Variants in GSG1L observed in about 807,000 individuals in gnomAD.
GSG1L encodes the protein GSG1 like, also known as germ cell-specific gene 1-like protein.
A neutral mutation model predicts 42.1 loss-of-function variants in GSG1L; 24 were observed. The observed-to-expected ratio is 0.57, with a 90% CI of 0.41 to 0.80. The LOEUF is 0.80. Ranked by LOEUF, GSG1L falls within the 30% of genes least tolerant of loss-of-function variation. The probability of loss-of-function intolerance (pLI) is 0.00; values close to 1 mark genes in which losing one functional copy is unlikely to be tolerated. For synonymous variants in GSG1L, 215 were observed against 203.5 expected (o/e 1.06, Z -0.48); for missense variants, 445 against 472.2 (o/e 0.94, Z 0.53).
intron 3 of GSG1L, among the ~76,000 whole-genome samples, chr16:27,875,444 T>C (rs1446067824): frequency 4.6e-5 from 7 of 152,178 alleles, no homozygotes; most frequent in Admixed American, 4.6e-4. Flanking sequence ...AAGAAACTGC[T>C]TGCACCTGAA....
intron 4 of GSG1L, among the ~76,000 whole-genome samples, chr16:27,836,310 G>T: frequency 6.7e-6 from 1 of 148,868 alleles, no homozygotes; most frequent in African/African-American, 2.5e-5. Flanking sequence ...TTTTTTTCAA[G>T]TTTGACTGTG....
At chr16:27,944,660 C>A (rs969076184) in intron 2 of GSG1L, among the ~76,000 whole-genome samples, 9 of 151,650 alleles carry the variant, frequency 5.9e-5, no homozygotes, top group Admixed American at 5.9e-4. Flanking sequence ...TACTGACACC[C>A]ACCACATTAT....
At chr16:27,983,949 G>A (rs1485145757) in intron 1 of GSG1L, among the ~76,000 whole-genome samples, 1 of 152,104 alleles carries the variant, frequency 6.6e-6, no homozygotes, top group Non-Finnish European at 1.5e-5. Flanking sequence ...AACGACACCT[G>A]TGGCATAAAT....
chr16:27,829,498 T>C (rs555808583), intron 4 of GSG1L, among the ~76,000 whole-genome samples: 4 of 152,310 alleles, frequency 2.6e-5, no homozygotes, highest in East Asian at 3.9e-4. Context: ...GTTACCTTTG[T>C]TCATGTATGA....
intron 1 of GSG1L, among the ~76,000 whole-genome samples, chr16:27,973,445 A>C: frequency 6.8e-6 from 1 of 146,592 alleles, no homozygotes. Context: ...ATCACAAAAA[A>C]AAAAAAAAAA....
intron 2 of GSG1L, among the ~76,000 whole-genome samples, chr16:27,937,182 C>T (rs146724618): frequency 6.6e-6 from 1 of 152,224 alleles, no homozygotes; most frequent in East Asian, 1.9e-4. Flanking sequence ...TCAATGGGAA[C>T]CTTTGGGCAG....
chr16:27,893,730 C>T (rs1008575369), intron 2 of GSG1L, among the ~76,000 whole-genome samples: 1 of 152,024 alleles, frequency 6.6e-6, no homozygotes, highest in Non-Finnish European at 1.5e-5. Flanking sequence ...CAGACATGCA[C>T]CACCATGCCC....
At chr16:27,895,577 CAG>C (rs1458118380) in intron 2 of GSG1L, among the ~76,000 whole-genome samples, 9 of 152,288 alleles carry the variant, frequency 5.9e-5, no homozygotes, top group African/African-American at 2.2e-4. Context: ...ACTCAATTTT[CAG>C]AGTTAGAGGA....
intron 1 of GSG1L, among the ~76,000 whole-genome samples, chr16:27,979,789 AAAG>A (rs1361058106): frequency 3.7e-4 from 53 of 141,586 alleles, no homozygotes; most frequent in African/African-American, 1.4e-3. Flanking sequence ...AAAGAAAAAG[AAAG>A]AAAGGAAAGA....
At chr16:27,887,564 G>A (rs1352653068) in intron 2 of GSG1L, among the ~76,000 whole-genome samples, 1 of 152,190 alleles carries the variant, frequency 6.6e-6, no homozygotes, top group Non-Finnish European at 1.5e-5. Flanking sequence ...TGTCAAACAT[G>A]TCCTTTTCTA....
chr16:28,038,734 G>A lies in GSG1L; in HGVS notation c.349+24342C>T, dbSNP rs567493512. Among the ~76,000 whole-genome samples, 3 of 152,314 alleles carry A rather than the reference G, an allele frequency of 2.0e-5. No individual in the cohort carries two copies. The East Asian group carries it at 5.8e-4, about 29-fold the overall frequency. ...CCTGCCCGCCCGCTTCTGAGAGCCT[G>A]CCTTTTTCATTATGCCATGATTAAA... On this transcript the variant is annotated intron_variant, in intron 1 of 6. Coordinates refer to ENST00000447459, the MANE Select transcript of GSG1L (RefSeq NM_001109763.2).
intron 4 of GSG1L, among the ~76,000 whole-genome samples, 163 bp from the exon 5 acceptor site, chr16:27,829,119 T>C (rs974645018): frequency 6.6e-6 from 1 of 152,174 alleles, no homozygotes; most frequent in Non-Finnish European, 1.5e-5. Context: ...CCTGCCCCAC[T>C]CGCAGTCTGG....
At chr16:27,807,368 G>A (rs1485795038) in intron 6 of GSG1L, 119 bp downstream of exon 6, 2 of 744,464 alleles carry the variant, frequency 2.7e-6, no homozygotes, top group African/African-American at 1.8e-5. Context: ...TAACGTGTTT[G>A]TGGGAGAATG....
At chr16:28,034,530 T>C (rs997952874) in intron 1 of GSG1L, among the ~76,000 whole-genome samples, 5 of 152,160 alleles carry the variant, frequency 3.3e-5, no homozygotes, top group Non-Finnish European at 7.3e-5. Flanking sequence ...CAACTTCCCA[T>C]TGTTCTTCTA....
chr16:27,921,758 G>A (rs1180449854), intron 2 of GSG1L, among the ~76,000 whole-genome samples: 1 of 152,130 alleles, frequency 6.6e-6, no homozygotes, highest in Non-Finnish European at 1.5e-5. Context: ...TTCTTTTCCA[G>A]GCTCTTGTTT....
At chr16:27,902,500 G>A (rs1410907640) in intron 2 of GSG1L, among the ~76,000 whole-genome samples, 1 of 152,156 alleles carries the variant, frequency 6.6e-6, no homozygotes, top group Non-Finnish European at 1.5e-5. Context: ...GGCTGGCAGT[G>A]CAGACCCCGC....
intron 1 of GSG1L, among the ~76,000 whole-genome samples, chr16:28,006,739 A>G (rs1274890733): frequency 6.6e-6 from 1 of 152,180 alleles, no homozygotes; most frequent in East Asian, 1.9e-4. Context: ...ACAGAAAACT[A>G]ATACATTCTG....
At chr16:28,042,492 ATTTAGTAATGTTCAT>A (rs2086118363) in intron 1 of GSG1L, among the ~76,000 whole-genome samples, 1 of 151,990 alleles carries the variant, frequency 6.6e-6, no homozygotes, top group Non-Finnish European at 1.5e-5. Flanking sequence ...AGAGAAATCC[ATTTAGTAATGTTCAT>A]GCTAACCAGC....
intron 2 of GSG1L, among the ~76,000 whole-genome samples, chr16:27,925,824 T>C (rs2084586327): frequency 6.6e-6 from 1 of 152,108 alleles, no homozygotes; most frequent in South Asian, 2.1e-4. Context: ...ACAGAGGATC[T>C]ACCAAGAATA....
Sources: gnomAD v4.1 joint callset for allele counts (sites outside exome capture counted in the v4.1 genomes callset) on GRCh38, gnomAD v4.1.1 for gene constraint, MANE v1.5 for transcripts, NCBI Gene and HGNC (gene_info 2026-07-23, HGNC 2026-07-21) for gene names.